Variants in SYT17 observed in about 807,000 individuals in gnomAD.
SYT17 encodes synaptotagmin-17.
A neutral mutation model predicts 46.7 loss-of-function variants in SYT17; 22 were observed. The ratio of observed to expected loss-of-function variants is 0.47; its 90% CI spans 0.34 to 0.67. SYT17 has a LOEUF of 0.67. Among genes scored for constraint, SYT17 ranks in the 30% least tolerant of loss-of-function variants. SYT17 has a pLI of 0.01. For synonymous variants in SYT17, 251 were observed against 248.4 expected, an observed-to-expected ratio of 1.01 and a Z score of -0.10; for missense variants, 519 against 612.8, an observed-to-expected ratio of 0.85 and a Z score of 1.62.
intron 7 of SYT17, among the ~76,000 whole-genome samples, chr16:19,265,647 G>A (rs1052708278): frequency 2.0e-5 from 3 of 152,190 alleles, no homozygotes; most frequent in African/African-American, 4.8e-5. Context: ...CTCACGCTGG[G>A]TGAATCTGTG....
At chr16:19,233,733 C>G (rs992747312) in intron 7 of SYT17, among the ~76,000 whole-genome samples, 36 of 152,062 alleles carry the variant, frequency 2.4e-4, no homozygotes, top group African/African-American at 8.2e-4. Context: ...GGGTCTCCAG[C>G]AGAGAAGAGA....
At chr16:19,217,398 A>G (rs1966136840) in intron 5 of SYT17, among the ~76,000 whole-genome samples, 1 of 152,098 alleles carries the variant, frequency 6.6e-6, no homozygotes, top group Admixed American at 6.5e-5. Context: ...CCCAGATCCT[A>G]GCAATCACTC....
At chr16:19,191,349 G>A (rs1275726208) in intron 5 of SYT17, among the ~76,000 whole-genome samples, 3 of 152,194 alleles carry the variant, frequency 2.0e-5, no homozygotes, top group Non-Finnish European at 4.4e-5. Context: ...GGGCAGAGCT[G>A]TTATCAATGA....
At chr16:19,192,338 T>C (rs929124380) in intron 5 of SYT17, among the ~76,000 whole-genome samples, 1 of 152,112 alleles carries the variant, frequency 6.6e-6, no homozygotes, top group African/African-American at 2.4e-5. Context: ...TGAGAATCGC[T>C]TGAATCCGGG....
Position 19,224,762 on chromosome 16 carries a change from TG to T in SYT17, c.1153del (p.Asp385IlefsTer22), listed in dbSNP as rs1966443430. ...AGACGTCCTTCTTAAGGGGCACAAT[TG>T]ATCCTTTCTACAATGAATCCTTCAG... is the stretch of plus-strand genomic sequence containing the variant. ...KKTSFLRGTI[D>X]PFYNESFSFK... On this transcript the variant is annotated frameshift_variant, in exon 7 of 8. Coordinates refer to ENST00000355377, the MANE Select transcript of SYT17 (RefSeq NM_016524.4). LOFTEE classifies it high-confidence loss of function. 1 of 1,614,020 alleles carries T rather than the reference TG, an allele frequency of 6.2e-7. No homozygotes were observed. The highest frequency in any genetic ancestry group is 1.3e-5 in the African/African-American group (1 of 74,938).
intron 5 of SYT17, among the ~76,000 whole-genome samples, chr16:19,185,005 A>G (rs1964725882): frequency 6.6e-6 from 1 of 152,102 alleles, no homozygotes; most frequent in Middle Eastern, 3.2e-3. Context: ...ATTAGAGGGT[A>G]ACTGTCTACC....
In SYT17 at chr16:19,181,726, G is replaced by A. The variant is rs1436669269; in HGVS notation, c.331+1187G>A. 9.3e-5 allele frequency among the ~76,000 whole-genome samples: 14 copies of A among 151,156 alleles called. No homozygotes were observed. In the East Asian group the frequency reaches 9.7e-4, roughly 10 times the overall value. On this transcript the variant is annotated intron_variant, in intron 4 of 7. Coordinates refer to ENST00000355377, the MANE Select transcript of SYT17 (RefSeq NM_016524.4). ...GGAAAAAAAAAAAAAAAGTCTGGGC[G>A]CGGTGGCTCATGCCTGTAATCCCAG...
intron 5 of SYT17, among the ~76,000 whole-genome samples, chr16:19,194,338 G>A (rs755075654): frequency 2.8e-4 from 42 of 152,140 alleles, no homozygotes; most frequent in Non-Finnish European, 5.0e-4. Flanking sequence ...ACTGGGAGTA[G>A]GGAGGATTGT....
intron 7 of SYT17, among the ~76,000 whole-genome samples, chr16:19,241,471 T>A (rs1445075748): frequency 6.6e-6 from 1 of 152,160 alleles, no homozygotes; most frequent in Non-Finnish European, 1.5e-5. Context: ...GGGCTCCCGC[T>A]TGTGACTGCT....
At position 19,267,110 on chromosome 16, in the gene SYT17, A is replaced by AAAG; in HGVS notation, c.*36_*37insGAA. ...GGGAAGGCAGCTTTCATTTGTTTAA[A>AAAG]AAAAAAAAAAAAAGACGGAAAAAAA... On this transcript the variant is annotated 3_prime_UTR_variant, in exon 8 of 8. Coordinates refer to ENST00000355377, the MANE Select transcript of SYT17 (RefSeq NM_016524.4). The AAAG allele has an allele frequency of 1.4e-6, 2 of 1,441,072 alleles. No individual in the cohort carries two copies. The highest frequency in any genetic ancestry group is 1.8e-6 in the Non-Finnish European group (2 of 1,083,114). The allele number at this position is 1,441,072 out of a possible 1,614,324, so 89.3% of individuals were successfully genotyped here. A position where few individuals can be genotyped will look rare whatever the true frequency, so the allele number is the denominator to read the frequency against.
chr16:19,191,677 G>C (rs1469657062), intron 5 of SYT17, among the ~76,000 whole-genome samples: 1 of 152,176 alleles, frequency 6.6e-6, no homozygotes, highest in Non-Finnish European at 1.5e-5. Context: ...AGCAAATAGA[G>C]CATATTTTAA....
At position 19,267,994 on chromosome 16, in the gene SYT17, G is replaced by A. The variant is rs78512971; in HGVS notation, c.*918G>A. 8.8e-3 allele frequency: 1,329 copies of A among 151,280 alleles called. 38 individuals are homozygous for A. Among genetic ancestry groups the A allele is most frequent in the East Asian group, 0.081 (411 of 5,082 alleles). The allele number at this position is 151,280 out of a possible 1,614,324, so 9.4% of individuals were successfully genotyped here. A position where few individuals can be genotyped will look rare whatever the true frequency, so the allele number is the denominator to read the frequency against. On this transcript the variant is annotated 3_prime_UTR_variant, in exon 8 of 8. Coordinates refer to ENST00000355377, the MANE Select transcript of SYT17 (RefSeq NM_016524.4). ...TGTGTAAAGTAAATAGGATATGATA[G>A]AGCAAAAGTAACATTTTTTGACCGA...
Position 19,168,700 on chromosome 16 carries a change from AG to A in SYT17, c.15+44del. ...TGGGGGCAAGGTCCGGGGTGCGGGT[AG>A]GGGGTGCCGCGCCCCCTCCGGCTGG... On this transcript the variant is annotated intron_variant, in intron 1 of 7. Transcript: ENST00000355377. The surrounding 1 kb of genome is among the most constrained non-coding windows in gnomAD (Gnocchi z 6.9). 6.9e-7 allele frequency: 1 copy of A among 1,452,632 alleles called. No homozygotes were observed. The highest frequency in any genetic ancestry group is 9.1e-7 in the Non-Finnish European group (1 of 1,097,162). 90.0% of individuals were successfully genotyped at this position (1,452,632 alleles called of 1,614,324 possible).
intron 5 of SYT17, among the ~76,000 whole-genome samples, chr16:19,206,119 T>C (rs576065967): frequency 1.3e-5 from 2 of 151,936 alleles, no homozygotes; most frequent in African/African-American, 2.4e-5. Flanking sequence ...GTCAAGAAAA[T>C]TGCCAAAAAC....
At chr16:19,218,040 G>C (rs1193769480) in intron 5 of SYT17, among the ~76,000 whole-genome samples, 1 of 152,122 alleles carries the variant, frequency 6.6e-6, no homozygotes, top group Non-Finnish European at 1.5e-5. Context: ...ATATGATCTG[G>C]AGCAAGTCAT....
At chr16:19,199,204 T>A (rs1226831856) in intron 5 of SYT17, among the ~76,000 whole-genome samples, 1 of 152,164 alleles carries the variant, frequency 6.6e-6, no homozygotes, top group Non-Finnish European at 1.5e-5. Flanking sequence ...GTGTCCTGTT[T>A]CCTGACACTG....
intron 6 of SYT17, among the ~76,000 whole-genome samples, chr16:19,224,182 G>C (rs1265844384): frequency 1.3e-5 from 2 of 152,168 alleles, no homozygotes; most frequent in Non-Finnish European, 2.9e-5. Flanking sequence ...GGTTTCCACA[G>C]ACAGAAATCC....
rs1348716629 is a variant in SYT17, at chr16:19,174,310, G to GGAC, written c.182+734_182+736dup. Among the ~76,000 whole-genome samples, 7 of 152,320 alleles carry GGAC rather than the reference G, an allele frequency of 4.6e-5. No individual in the cohort carries two copies. In the East Asian group the frequency reaches 1.2e-3, roughly 25 times the overall value. ...GTCCACCTCTCCGTGACTGAGAGAG[G>GGAC]GACGTGGTCAGAGAGCCTGGGTACA... On this transcript the variant is annotated intron_variant, in intron 3 of 7. Transcript: ENST00000355377.
chr16:19,265,851 C>G (rs1451996905), intron 7 of SYT17, among the ~76,000 whole-genome samples: 1 of 152,162 alleles, frequency 6.6e-6, no homozygotes, highest in African/African-American at 2.4e-5. Context: ...AACAGAGAAG[C>G]CTTTCAAAGA....
Sources: allele counts gnomAD v4.1 joint callset (sites outside exome capture counted in the v4.1 genomes callset), GRCh38; gene constraint gnomAD v4.1.1; non-coding constraint Gnocchi (gnomAD v3.1); transcripts MANE v1.5; gene names NCBI Gene and HGNC (gene_info 2026-07-23, HGNC 2026-07-21).